PTPRK: variants seen among roughly 807,000 people sequenced by gnomAD.
The protein encoded by PTPRK is protein tyrosine phosphatase receptor type K, also known as receptor-type tyrosine-protein phosphatase kappa.
Under a neutral mutation model 178.0 loss-of-function variants are expected in PTPRK, and 75 were observed. The ratio of observed to expected loss-of-function variants is 0.42; its 90% CI spans 0.35 to 0.51. The LOEUF (loss-of-function observed/expected upper bound fraction) is 0.51, where lower values mean the gene tolerates loss of function less well. Among genes scored for constraint, PTPRK ranks in the 20% least tolerant of loss-of-function variants. The probability of loss-of-function intolerance (pLI) is 0.02; values close to 1 mark genes in which losing one functional copy is unlikely to be tolerated. For missense variants in PTPRK, 1,441 were observed against 1,797.8 expected, an observed-to-expected ratio of 0.80 and a Z score of 3.59; for synonymous variants, 637 against 620.6, an observed-to-expected ratio of 1.03 and a Z score of -0.39.
intron 6 of PTPRK, among the ~76,000 whole-genome samples, chr6:128,189,769 G>A (rs1046730203): frequency 9.2e-5 from 14 of 151,890 alleles, no homozygotes; most frequent in Admixed American, 7.2e-4. Context: ...ATCCAGTTCT[G>A]GTTCCTGTTA....
At chr6:128,381,968 G>C (rs1053483203) in intron 2 of PTPRK, among the ~76,000 whole-genome samples, 1 of 151,682 alleles carries the variant, frequency 6.6e-6, no homozygotes, top group Admixed American at 6.6e-5. Context: ...GATCACTTGA[G>C]CCCAGGAGTT....
intron 6 of PTPRK, among the ~76,000 whole-genome samples, chr6:128,211,570 T>G (rs866760191): frequency 6.6e-6 from 1 of 152,168 alleles, no homozygotes; most frequent in Non-Finnish European, 1.5e-5. Context: ...GTAAGGCTTC[T>G]ACATAACATT....
At chr6:128,247,643 T>C (rs1235047473) in intron 3 of PTPRK, among the ~76,000 whole-genome samples, 1 of 152,180 alleles carries the variant, frequency 6.6e-6, no homozygotes, top group Non-Finnish European at 1.5e-5. Flanking sequence ...TAACTGTAAC[T>C]TTAACTTATG....
chr6:128,242,953 A>T (rs1199252553), intron 3 of PTPRK, among the ~76,000 whole-genome samples: 1 of 152,208 alleles, frequency 6.6e-6, no homozygotes, highest in Non-Finnish European at 1.5e-5. Context: ...TTTACTTAAC[A>T]TACATGGAGC....
chr6:128,333,391 A>G (rs555460123), intron 2 of PTPRK, among the ~76,000 whole-genome samples: 17 of 152,306 alleles, frequency 1.1e-4, no homozygotes, highest in African/African-American at 4.1e-4. Context: ...TTATTTCTGA[A>G]GGTACCAAAT....
chr6:128,100,004 T>C (rs750299949), intron 7 of PTPRK, among the ~76,000 whole-genome samples: 4 of 152,022 alleles, frequency 2.6e-5, no homozygotes, highest in Non-Finnish European at 4.4e-5. Flanking sequence ...GATTATAAGG[T>C]GTGACCTCTT....
chr6:127,993,508 G>A (rs1776826170), intron 18 of PTPRK, among the ~76,000 whole-genome samples: 2 of 151,582 alleles, frequency 1.3e-5, no homozygotes, highest in African/African-American at 2.4e-5. Flanking sequence ...ATTTACCAAT[G>A]AGCCTTAGTA....
intron 5 of PTPRK, among the ~76,000 whole-genome samples, chr6:128,222,596 T>G (rs1397834900): frequency 1.3e-5 from 2 of 152,200 alleles, no homozygotes; most frequent in Non-Finnish European, 2.9e-5. Context: ...TCCTCTCGAA[T>G]CATAACAGCC....
At chr6:128,074,415 C>T (rs73584635) in intron 11 of PTPRK, among the ~76,000 whole-genome samples, 8,302 of 151,776 alleles carry the variant, frequency 0.055, 834 homozygotes, top group African/African-American at 0.19. Flanking sequence ...ATAAATGGGA[C>T]GTTCTATGCA....
chr6:128,143,561 A>G (rs1583201975), intron 7 of PTPRK, among the ~76,000 whole-genome samples: 3 of 152,110 alleles, frequency 2.0e-5, no homozygotes, highest in Non-Finnish European at 4.4e-5. Context: ...TAATTGCACC[A>G]TTTCCAAACA....
At chr6:128,436,831 G>A (rs1280663204) in intron 1 of PTPRK, among the ~76,000 whole-genome samples, 1 of 152,032 alleles carries the variant, frequency 6.6e-6, no homozygotes, top group Non-Finnish European at 1.5e-5. Context: ...TGGCTGCCAG[G>A]GTATGAAGAG....
intron 7 of PTPRK, among the ~76,000 whole-genome samples, chr6:128,171,962 TAAA>T (rs1367807936): frequency 6.6e-6 from 1 of 151,922 alleles, no homozygotes; most frequent in Non-Finnish European, 1.5e-5. Flanking sequence ...CTCGTCTTCT[TAAA>T]AAATAAGGGA....
chr6:128,469,302 C>T (rs1397444245), intron 1 of PTPRK, among the ~76,000 whole-genome samples: 1 of 152,138 alleles, frequency 6.6e-6, no homozygotes, highest in Non-Finnish European at 1.5e-5. Flanking sequence ...AAAGAATGCA[C>T]ACAAAGAGAG....
chr6:128,511,372 C>T (rs1204948519), intron 1 of PTPRK, among the ~76,000 whole-genome samples: 1 of 152,198 alleles, frequency 6.6e-6, no homozygotes, highest in African/African-American at 2.4e-5. Flanking sequence ...CTAACTTCCC[C>T]TCAGTCAGAG....
intron 3 of PTPRK, chr6:128,321,545 A>T: frequency 2.5e-6 from 1 of 402,082 alleles, no homozygotes; most frequent in Non-Finnish European, 4.3e-6. Context: ...ATCAAAATTA[A>T]AATAATTAAT....
intron 7 of PTPRK, among the ~76,000 whole-genome samples, chr6:128,180,811 A>C (rs1801796955): frequency 6.6e-6 from 1 of 152,066 alleles, no homozygotes; most frequent in Non-Finnish European, 1.5e-5. Context: ...ATTTTTTAAA[A>C]TGTACATCTC....
At chr6:128,154,840 T>C (rs895587959) in intron 7 of PTPRK, among the ~76,000 whole-genome samples, 2 of 151,786 alleles carry the variant, frequency 1.3e-5, no homozygotes, top group Non-Finnish European at 2.9e-5. Flanking sequence ...TTGGAAAATA[T>C]TAAACATACA....
chr6:127,976,376 C>T (rs1774594231), intron 27 of PTPRK, among the ~76,000 whole-genome samples: 1 of 152,196 alleles, frequency 6.6e-6, no homozygotes, highest in Non-Finnish European at 1.5e-5. Flanking sequence ...TACATACACT[C>T]AGAGGCCAGG....
At chr6:128,415,693 A>G (rs538953791) in intron 1 of PTPRK, among the ~76,000 whole-genome samples, 2 of 152,110 alleles carry the variant, frequency 1.3e-5, no homozygotes, top group Admixed American at 1.3e-4. Context: ...TGATAAACAA[A>G]CCCTAATCCA....
Sources: allele counts gnomAD v4.1 joint callset (sites outside exome capture counted in the v4.1 genomes callset), GRCh38; gene constraint gnomAD v4.1.1; transcripts MANE v1.5; gene names NCBI Gene and HGNC (gene_info 2026-07-23, HGNC 2026-07-21).